BMP1: variants seen among roughly 807,000 people sequenced by gnomAD.
BMP1 encodes the protein bone morphogenetic protein 1, also known as mammalian tolloid protein.
A neutral mutation model predicts 116.8 loss-of-function variants in BMP1; 63 were observed. The ratio of observed to expected loss-of-function variants is 0.54; its 90% CI spans 0.44 to 0.67. BMP1 has a LOEUF of 0.67. BMP1 is among the 30% of genes least tolerant of loss of function. BMP1 has a pLI of 0.00. For missense variants in BMP1, 1,183 were observed against 1,358.9 expected (o/e 0.87, Z 2.04); for synonymous variants, 536 against 533.4 (o/e 1.00, Z -0.07).
chr8:22,174,849 G>A (rs1828387420), intron 2 of BMP1, among the ~76,000 whole-genome samples: 1 of 152,020 alleles, frequency 6.6e-6, no homozygotes, highest in South Asian at 2.1e-4. Context: ...GGCCAGGCTG[G>A]TCTCGAACTC....
intron 16 of BMP1, among the ~76,000 whole-genome samples, chr8:22,202,435 G>T (rs1829283955): frequency 6.6e-6 from 1 of 152,164 alleles, no homozygotes; most frequent in Non-Finnish European, 1.5e-5. Flanking sequence ...CCCCAAGCAG[G>T]GCCTGGCTCA....
At position 22,211,899 on chromosome 8, in the gene BMP1, C is replaced by T. The variant is rs968729858; in HGVS notation, c.*171C>T. The stretch of plus-strand genomic sequence containing the variant: ...AGGAGGTGGGGGAACTGGACTCCGG[C>T]ATAAGCCACTTCCCCACAAACCCCC... On this transcript the variant is annotated 3_prime_UTR_variant, in exon 20 of 20. Coordinates refer to ENST00000306385, the MANE Select transcript of BMP1 (RefSeq NM_006129.5). 1.0e-6 allele frequency: 1 copy of T among 967,582 alleles called. No homozygotes were observed. Among genetic ancestry groups the T allele is most frequent in the African/African-American group, 1.6e-5 (1 of 61,078 alleles). 59.9% of individuals were successfully genotyped at this position (967,582 alleles called of 1,614,324 possible).
chr8:22,173,580 TG>T, intron 1 of BMP1, 21 bp from the exon 2 acceptor site: 1 of 1,591,772 alleles, frequency 6.3e-7, no homozygotes, highest in Non-Finnish European at 8.6e-7. Flanking sequence ...AACTCAGCCC[TG>T]GCTTCTTCTT....
In BMP1 at chr8:22,207,323, C is replaced by T. The variant is rs140717307; in HGVS notation, c.2382C>T (p.Ile794=). ...RVKLTFMEMD[I]ESQPECAYDH... The stretch of plus-strand genomic sequence containing the variant: ...CCTAGACCTTCATGGAGATGGACAT[C>T]GAGTCCCAGCCTGAGTGTGCCTACG... The change falls in exon 18 of 20, where the codon ATC becomes ATT. Residue 794 remains isoleucine (I), a synonymous_variant. Coordinates refer to ENST00000306385, the MANE Select transcript of BMP1 (RefSeq NM_006129.5). 10 of 1,612,808 alleles carry T rather than the reference C, an allele frequency of 6.2e-6. No individual in the cohort carries two copies. In the East Asian group the frequency reaches 1.6e-4, roughly 25 times the overall value.
chr8:22,191,911 A>G, intron 8 of BMP1, 138 bp from the exon 9 acceptor site: 1 of 653,648 alleles, frequency 1.5e-6, no homozygotes, highest in Non-Finnish European at 2.6e-6. Context: ...CTGTGCCAGG[A>G]GCTCCTTTTG....
chr8:22,188,576 G>GCATT (rs1377064243), intron 8 of BMP1, among the ~76,000 whole-genome samples: 8 of 152,176 alleles, frequency 5.3e-5, no homozygotes, highest in African/African-American at 1.9e-4. Flanking sequence ...CTGGCAAAGG[G>GCATT]CATTGCCCCT....
Position 22,180,474 on chromosome 8 carries a change from C to T in BMP1, c.1068C>T (p.Pro356=), listed in dbSNP as rs199556894. The T allele has an allele frequency of 1.5e-5, 24 of 1,613,694 alleles. No homozygotes were observed. Among genetic ancestry groups the T allele is most frequent in the African/African-American group, 8.0e-5 (6 of 75,028 alleles). Residue 356 remains proline, a synonymous_variant, in exon 8 of 20, where the codon CCC becomes CCT. Coordinates refer to ENST00000306385, the MANE Select transcript of BMP1 (RefSeq NM_006129.5). ...GCGTGTGGCGCATCTCTGTCACACCCGGGGAGAAGGTACGTGTGGGCTCAG... is the reference window on the plus strand; with the variant it reads ...GCGTGTGGCGCATCTCTGTCACACCTGGGGAGAAGGTACGTGTGGGCTCAG... ...MHCVWRISVT[P]GEKIILNFTS... is the part of the protein sequence containing the mutation.
chr8:22,167,047 G>A (rs1325495315), intron 1 of BMP1, among the ~76,000 whole-genome samples: 1 of 152,182 alleles, frequency 6.6e-6, no homozygotes, highest in Non-Finnish European at 1.5e-5. Flanking sequence ...GGTTAAATAT[G>A]AAAACATACA....
In BMP1 at chr8:22,177,952, C is replaced by T; in HGVS notation, c.831C>T (p.Phe277=). Residue 277 remains phenylalanine, a synonymous_variant, in exon 6 of 20, where the codon TTC becomes TTT. Transcript: ENST00000306385. ...DSIMHYARNT[F]SRGIFLDTIV... ...TCATGCATTACGCTCGGAACACATT[C>T]TCCAGGTGGGAGACGGGATTGGGGC... 6.2e-7 allele frequency: 1 copy of T among 1,607,752 alleles called. No individual in the cohort carries two copies. The highest frequency in any genetic ancestry group is 8.5e-7 in the Non-Finnish European group (1 of 1,175,156).
chr8:22,187,425 G>A (rs533511656), intron 8 of BMP1, among the ~76,000 whole-genome samples: 215 of 151,450 alleles, frequency 1.4e-3, no homozygotes, highest in African/African-American at 5.1e-3. Context: ...TCCGCCTCCC[G>A]GGTTCAGCCA....
At chr8:22,169,180 CTG>C (rs1344899107) in intron 1 of BMP1, among the ~76,000 whole-genome samples, 2 of 121,522 alleles carry the variant, frequency 1.6e-5, no homozygotes, top group African/African-American at 6.3e-5. Context: ...AAGCAAGACT[CTG>C]TGAAAAAAAA....
chr8:22,188,177 G>GTTTTTTTT (rs759296888), intron 8 of BMP1, among the ~76,000 whole-genome samples: 3 of 124,596 alleles, frequency 2.4e-5, no homozygotes, highest in Admixed American at 8.1e-5. Context: ...CCAGTTTTGG[G>GTTTTTTTT]TTTTTTTTTT....
At chr8:22,185,365 T>A (rs1828737250) in intron 8 of BMP1, among the ~76,000 whole-genome samples, 1 of 151,660 alleles carries the variant, frequency 6.6e-6, no homozygotes, top group Admixed American at 6.6e-5. Flanking sequence ...GGCAGGAGAA[T>A]CGCTCGCTCA....
intron 8 of BMP1, among the ~76,000 whole-genome samples, chr8:22,189,190 T>C (rs1013702471): frequency 2.0e-5 from 3 of 152,102 alleles, no homozygotes; most frequent in African/African-American, 7.2e-5. Context: ...TTCCAGACCC[T>C]TCTAGGTATA....
In BMP1 at chr8:22,207,297, C is replaced by T. The variant is rs2131902382; in HGVS notation, c.2362-6C>T. The stretch of plus-strand genomic sequence containing the variant: ...TTTAATCTGTGCTCCTTCCTCATCC[C>T]CCTAGACCTTCATGGAGATGGACAT... On this transcript the variant is annotated splice_polypyrimidine_tract_variant and splice_region_variant and intron_variant, in intron 17 of 19. Coordinates refer to ENST00000306385, the MANE Select transcript of BMP1 (RefSeq NM_006129.5). The T allele has an allele frequency of 1.2e-6, 2 of 1,611,466 alleles. No homozygotes were observed. Among genetic ancestry groups the T allele is most frequent in the Non-Finnish European group, 8.5e-7 (1 of 1,177,680 alleles).
intron 1 of BMP1, chr8:22,170,618 G>A (rs115200921): frequency 6.6e-6 from 1 of 152,326 alleles, no homozygotes; most frequent in African/African-American, 2.4e-5. Flanking sequence ...TGATGCCTGT[G>A]GGTTTGGGTG....
intron 1 of BMP1, among the ~76,000 whole-genome samples, chr8:22,167,572 G>A (rs1450731210): frequency 6.6e-6 from 1 of 152,214 alleles, no homozygotes; most frequent in African/African-American, 2.4e-5. Context: ...TTTCAGAGCA[G>A]CAAGAGGCTG....
intron 1 of BMP1, chr8:22,169,389 T>C (rs1828212216): frequency 6.6e-6 from 1 of 152,184 alleles, no homozygotes; most frequent in Admixed American, 6.5e-5. Context: ...CCCTTGTCCT[T>C]TGGGGAGTGT....
In BMP1 at chr8:22,192,124, G is replaced by A. The variant is rs1563261630; in HGVS notation, c.1153G>A (p.Gly385Ser). Residue 385 changes from glycine (G) to serine (S), a missense_variant, in exon 9 of 20, where the codon GGC becomes AGC. Gly to Ser is a moderately conservative substitution (Grantham distance 56). Transcript: ENST00000306385. Reference sequence around the variant, plus strand: ...GTACGACTATGTGGAGGTCCGAGATGGCTTCTGGAGGAAGGCGCCCCTCCG... The same window carrying A: ...GTACGACTATGTGGAGGTCCGAGATAGCTTCTGGAGGAAGGCGCCCCTCCG... The part of the protein sequence containing the change: ...CWYDYVEVRD[G>S]FWRKAPLRGR... 1 of 1,613,768 alleles carries A rather than the reference G, an allele frequency of 6.2e-7. No individual in the cohort carries two copies. The highest frequency in any genetic ancestry group is 8.5e-7 in the Non-Finnish European group (1 of 1,179,832).
Sources: allele counts gnomAD v4.1 joint callset (sites outside exome capture counted in the v4.1 genomes callset), GRCh38; gene constraint gnomAD v4.1.1; transcripts MANE v1.5; gene names NCBI Gene and HGNC (gene_info 2026-07-23, HGNC 2026-07-21).